The following ATR variants were observed in gnomAD, a reference collection of about 807,000 sequenced individuals.
ATR encodes the protein ATR checkpoint kinase, also known as serine/threonine-protein kinase ATR.
Under a neutral mutation model 305.3 loss-of-function variants are expected in ATR, and 142 were observed. The ratio of observed to expected loss-of-function variants is 0.47; its 90% CI spans 0.41 to 0.53. The LOEUF (loss-of-function observed/expected upper bound fraction) is 0.53. ATR is among the 20% of genes least tolerant of loss of function. ATR has a pLI of 0.00. For synonymous variants in ATR, 1,050 were observed against 1,068.1 expected (o/e 0.98, Z 0.33); for missense variants, 2,135 against 3,133.1 (o/e 0.68, Z 7.60).
At chr3:142,576,904 T>TC (rs58782816) in intron 1 of ATR, among the ~76,000 whole-genome samples, 1 of 147,454 alleles carries the variant, frequency 6.8e-6, no homozygotes, top group Admixed American at 6.7e-5. Flanking sequence ...CACTAATATC[T>TC]TTTTTTTTCA....
chr3:142,464,575 T>G (rs966744148), intron 41 of ATR, among the ~76,000 whole-genome samples: 2 of 152,228 alleles, frequency 1.3e-5, no homozygotes, highest in Non-Finnish European at 2.9e-5. Context: ...TAACACATGC[T>G]GTAAAATGAA....
intron 34 of ATR, among the ~76,000 whole-genome samples, chr3:142,495,480 C>T (rs2031528869): frequency 6.6e-6 from 1 of 152,134 alleles, no homozygotes; most frequent in Non-Finnish European, 1.5e-5. Flanking sequence ...CGCGGTGGCT[C>T]ACGCCTGTAA....
chr3:142,468,919 A>G (rs556220937), intron 38 of ATR, among the ~76,000 whole-genome samples: 24 of 152,284 alleles, frequency 1.6e-4, no homozygotes, highest in Non-Finnish European at 3.1e-4. Flanking sequence ...TGAACCCAGG[A>G]CTTTGAGGCT....
At chr3:142,497,600 T>C (rs182539624) in intron 32 of ATR, among the ~76,000 whole-genome samples, 2 of 151,010 alleles carry the variant, frequency 1.3e-5, no homozygotes, top group Admixed American at 1.3e-4. Flanking sequence ...AATAAATAAA[T>C]AAAATTAATT....
chr3:142,456,189 G>A (rs1399081225), intron 45 of ATR, among the ~76,000 whole-genome samples: 2 of 152,060 alleles, frequency 1.3e-5, no homozygotes, highest in East Asian at 1.9e-4. Context: ...TTGAACCCAC[G>A]AAGCGGAGGT....
intron 19 of ATR, among the ~76,000 whole-genome samples, chr3:142,537,707 A>G (rs1010472238): frequency 6.6e-6 from 1 of 152,186 alleles, no homozygotes; most frequent in Non-Finnish European, 1.5e-5. Context: ...TTTCACAAGC[A>G]AAGGAATGAT....
chr3:142,562,827 G>A lies in ATR; in HGVS notation c.575C>T (p.Ala192Val). The A allele has an allele frequency of 6.2e-7, 1 of 1,606,882 alleles. No individual in the cohort carries two copies. The highest frequency in any genetic ancestry group is 1.1e-5 in the South Asian group (1 of 89,374). The change falls in exon 4 of 47, where the codon GCT becomes GTT. Residue 192 changes from alanine (A) to valine (V), a missense_variant. Around this residue, in one of 9 missense-constraint regions of ATR, gnomAD observed 744 missense variants for 873.2 expected, o/e 0.85. Transcript: ENST00000350721. ...LDEHMGYLQSAPLQLMSMQNL... is the reference protein window; with the variant it reads ...LDEHMGYLQSVPLQLMSMQNL... ...TTGCATACTCATCAACTGCAAAGGA[G>A]CTGATTGTAAATATCCCATGTGTTC...
At chr3:142,550,338 C>A in intron 13 of ATR, 36 bp from the exon 14 acceptor site, 1 of 1,598,980 alleles carries the variant, frequency 6.3e-7, no homozygotes, top group Non-Finnish European at 8.6e-7. Context: ...AGTTTTCACA[C>A]AAAGAAGAAA....
At chr3:142,462,710 C>T (rs546424004) in intron 41 of ATR, among the ~76,000 whole-genome samples, 78 of 152,222 alleles carry the variant, frequency 5.1e-4, no homozygotes, top group Non-Finnish European at 9.6e-4. Context: ...CCTAGTGATC[C>T]GCCTGCCTCG....
chr3:142,508,037 G>T lies in ATR; in HGVS notation c.4925C>A (p.Ala1642Glu). Reference protein sequence around the residue: ...FLDLIPQDTLAVASFRSKAYT... With the variant: ...FLDLIPQDTLEVASFRSKAYT... ...TGCTTTGGAGCGAAAGGAAGCTACT[G>T]CCAGAGTATCCTGGGGTATGAGGTC... is the stretch of plus-strand genomic sequence containing the variant. Residue 1642 changes from alanine to glutamate, a missense_variant, in exon 28 of 47, where the codon GCA (alanine) becomes GAA (glutamate). By Grantham distance (107) the Ala-to-Glu change is moderately radical. Coordinates refer to ENST00000350721, the MANE Select transcript of ATR (RefSeq NM_001184.4). 6.2e-7 allele frequency: 1 copy of T among 1,613,400 alleles called. No homozygotes were observed. The highest frequency in any genetic ancestry group is 8.5e-7 in the Non-Finnish European group (1 of 1,179,706).
intron 34 of ATR, among the ~76,000 whole-genome samples, chr3:142,493,820 A>T (rs1203308195): frequency 6.6e-6 from 1 of 151,940 alleles, no homozygotes; most frequent in African/African-American, 2.4e-5. Flanking sequence ...GTGAGCTATG[A>T]CACACCACTG....
chr3:142,467,742 G>C (rs190036658), intron 39 of ATR, among the ~76,000 whole-genome samples, 192 bp downstream of exon 39: 1 of 151,976 alleles, frequency 6.6e-6, no homozygotes, highest in African/African-American at 2.4e-5. Context: ...AGGGTATTTG[G>C]AAGTAAGATG....
chr3:142,567,222 T>C (rs112400324), intron 2 of ATR, among the ~76,000 whole-genome samples: 8 of 152,020 alleles, frequency 5.3e-5, no homozygotes, highest in Non-Finnish European at 8.8e-5. Context: ...ATAATTATAA[T>C]ACAATATGGT....
chr3:142,564,593 T>C (rs775866142), intron 3 of ATR, among the ~76,000 whole-genome samples: 10 of 152,208 alleles, frequency 6.6e-5, no homozygotes, highest in Non-Finnish European at 1.0e-4. Flanking sequence ...CCTGTCCTCA[T>C]GAATCTCACA....
chr3:142,541,148 T>C (rs1363839337), intron 17 of ATR, 114 bp from the exon 18 acceptor site: 4 of 1,327,370 alleles, frequency 3.0e-6, no homozygotes, highest in South Asian at 2.5e-5. Context: ...TATTCTCAGA[T>C]AATACAAAAG....
At position 142,466,551 on chromosome 3, in the gene ATR, G is replaced by A; in HGVS notation, c.6688-18C>T. The A allele has an allele frequency of 6.3e-7, 1 of 1,598,768 alleles. No homozygotes were observed. The highest frequency in any genetic ancestry group is 8.6e-7 in the Non-Finnish European group (1 of 1,168,620). Reference sequence around the variant, plus strand: ...CCATCAACCTGAAAAAATAAATAGTGCATTTTAATTTGTTTTTACCTTAAA... The same window carrying A: ...CCATCAACCTGAAAAAATAAATAGTACATTTTAATTTGTTTTTACCTTAAA... On this transcript the variant is annotated intron_variant, in intron 39 of 46. Coordinates refer to ENST00000350721, the MANE Select transcript of ATR (RefSeq NM_001184.4).
At position 142,566,147 on chromosome 3, in the gene ATR, C is replaced by T. The variant is rs1421634692; in HGVS notation, c.266G>A (p.Ser89Asn). 1.9e-6 allele frequency: 3 copies of T among 1,614,030 alleles called. No individual in the cohort carries two copies. In the East Asian group the frequency reaches 6.7e-5, roughly 36 times the overall value. Residue 89 changes from serine to asparagine, a missense_variant, in exon 3 of 47, where the codon AGC (serine) becomes AAC (asparagine). Physicochemically the swap from Ser to Asn is conservative, Grantham distance 46. Coordinates refer to ENST00000350721, the MANE Select transcript of ATR (RefSeq NM_001184.4). ...AATACAACTGCCTTTGGCCTCATGG[C>T]TTCCACTCACATTTACAAACATAAG... is the stretch of plus-strand genomic sequence containing the variant. ...SPLMFVNVSG[S>N]HEAKGSCIEF...
intron 45 of ATR, among the ~76,000 whole-genome samples, chr3:142,456,387 G>A (rs2070907034): frequency 1.3e-5 from 2 of 152,096 alleles, no homozygotes; most frequent in South Asian, 4.1e-4. Context: ...GGCCAACGTG[G>A]TAAAACCCAA....
rs367779914 is a variant in ATR at position 142,523,521 on chromosome 3, T to C, written c.4152+472A>G. Among the ~76,000 whole-genome samples, 16 of 152,282 alleles carry C rather than the reference T, an allele frequency of 1.1e-4. No individual in the cohort carries two copies. The East Asian group carries it at 2.5e-3, about 24-fold the overall frequency. On this transcript the variant is annotated intron_variant, in intron 22 of 46. Coordinates refer to ENST00000350721, the MANE Select transcript of ATR (RefSeq NM_001184.4). Reference sequence around the variant, plus strand: ...AAGGAATAATTTTAATATACGCATATAGTATAACTCTTGGAGATATAGTCT... The same window carrying C: ...AAGGAATAATTTTAATATACGCATACAGTATAACTCTTGGAGATATAGTCT...
Sources: gnomAD v4.1 joint callset for allele counts (sites outside exome capture counted in the v4.1 genomes callset) on GRCh38, gnomAD v4.1.1 for gene constraint, gnomAD v4.1.1 regional missense constraint, MANE v1.5 for transcripts, NCBI Gene and HGNC (gene_info 2026-07-23, HGNC 2026-07-21) for gene names.